The following VWC2 variants were observed in gnomAD, a reference collection of about 807,000 sequenced individuals.
VWC2 encodes von Willebrand factor C domain containing 2.
Under a neutral mutation model 29.8 loss-of-function variants are expected in VWC2, and 14 were observed. The observed-to-expected ratio is 0.47, with a 90% CI of 0.31 to 0.74. The LOEUF (loss-of-function observed/expected upper bound fraction) is 0.74. VWC2 is among the 30% of genes least tolerant of loss of function. The pLI is 0.05. For synonymous variants in VWC2, 213 were observed against 199.0 expected (o/e 1.07, Z -0.59); for missense variants, 457 against 459.8 (o/e 0.99, Z 0.05).
intron 3 of VWC2, among the ~76,000 whole-genome samples, chr7:49,841,846 A>G (rs936401915): frequency 2.0e-5 from 3 of 152,102 alleles, no homozygotes; most frequent in Non-Finnish European, 4.4e-5. Context: ...AATAACTCCT[A>G]GGAGGAGAAT....
At chr7:49,886,916 T>A (rs1257819508) in intron 3 of VWC2, among the ~76,000 whole-genome samples, 1 of 152,228 alleles carries the variant, frequency 6.6e-6, no homozygotes, top group Non-Finnish European at 1.5e-5. Flanking sequence ...ATTTCTACTT[T>A]ATGGGTCCTT....
At chr7:49,870,978 G>A (rs1791125012) in intron 3 of VWC2, among the ~76,000 whole-genome samples, 1 of 152,150 alleles carries the variant, frequency 6.6e-6, no homozygotes, top group Non-Finnish European at 1.5e-5. Context: ...TGCACAATGA[G>A]TTGATAATCA....
intron 3 of VWC2, among the ~76,000 whole-genome samples, chr7:49,862,699 T>C (rs1318697882): frequency 2.0e-4 from 31 of 152,074 alleles, no homozygotes; most frequent in Admixed American, 2.0e-3. Context: ...TTAAATGCTT[T>C]ATCTGCATCA....
chr7:49,802,593 G>A (rs1217992326), intron 2 of VWC2, 118 bp from the exon 3 acceptor site: 41 of 1,365,678 alleles, frequency 3.0e-5, no homozygotes, highest in South Asian at 4.0e-5. Flanking sequence ...AGCCGAGATC[G>A]CACCACTGCA....
intron 3 of VWC2, among the ~76,000 whole-genome samples, chr7:49,908,275 A>G (rs1793214019): frequency 6.6e-6 from 1 of 152,218 alleles, no homozygotes; most frequent in South Asian, 2.1e-4. Context: ...TCCAACGCCT[A>G]CATTTCATCA....
chr7:49,821,976 C>T (rs1158560958), intron 3 of VWC2, among the ~76,000 whole-genome samples: 1 of 151,952 alleles, frequency 6.6e-6, no homozygotes, highest in Non-Finnish European at 1.5e-5. Flanking sequence ...TCTTATAAAC[C>T]CATCTTTTTA....
intron 3 of VWC2, among the ~76,000 whole-genome samples, chr7:49,896,356 T>C (rs1456702442): frequency 1.3e-5 from 2 of 151,972 alleles, no homozygotes; most frequent in African/African-American, 4.8e-5. Context: ...AAGGAAAGTA[T>C]AACACATCAC....
intron 2 of VWC2, among the ~76,000 whole-genome samples, chr7:49,788,521 G>T (rs534366972): frequency 1.3e-5 from 2 of 151,782 alleles, no homozygotes; most frequent in South Asian, 4.2e-4. Flanking sequence ...GTGTGAGTGT[G>T]GGTGTGAGAC....
chr7:49,863,916 T>C (rs117173089), intron 3 of VWC2, among the ~76,000 whole-genome samples: 2 of 152,194 alleles, frequency 1.3e-5, no homozygotes, highest in Non-Finnish European at 2.9e-5. Context: ...CCTTTTAGCA[T>C]AGTTTTTTCT....
At position 49,915,993 on chromosome 7, in the gene VWC2, G is replaced by C. The variant is rs779725196; in HGVS notation, c.*3808G>C. ...ACTATTCTGAAGAATCAGATTAAGAGAGAACAATTTACTTATTCAGGAATA... is the reference window on the plus strand; with the variant it reads ...ACTATTCTGAAGAATCAGATTAAGACAGAACAATTTACTTATTCAGGAATA... On this transcript the variant is annotated 3_prime_UTR_variant, in exon 4 of 4. Coordinates refer to ENST00000340652, the MANE Select transcript of VWC2 (RefSeq NM_198570.5). The C allele has an allele frequency of 3.9e-5, 6 of 152,120 alleles. No individual in the cohort carries two copies. Among genetic ancestry groups the C allele is most frequent in the Non-Finnish European group, 8.8e-5 (6 of 68,012 alleles). The allele number at this position is 152,120 out of a possible 1,614,324, so 9.4% of individuals were successfully genotyped here.
chr7:49,871,749 T>C (rs926566172), intron 3 of VWC2, among the ~76,000 whole-genome samples: 3 of 150,936 alleles, frequency 2.0e-5, no homozygotes, highest in Non-Finnish European at 4.4e-5. Context: ...AAATAAATGG[T>C]TTGTTTTAAA....
At chr7:49,896,340 CA>C (rs1320016420) in intron 3 of VWC2, among the ~76,000 whole-genome samples, 6 of 151,704 alleles carry the variant, frequency 4.0e-5, no homozygotes, top group Admixed American at 3.9e-4. Context: ...GACTCTACTT[CA>C]AAAAAAGGAA....
intron 3 of VWC2, among the ~76,000 whole-genome samples, chr7:49,815,546 C>T (rs1335484670): frequency 6.6e-6 from 1 of 152,072 alleles, no homozygotes; most frequent in African/African-American, 2.4e-5. Context: ...GCACATAAAC[C>T]TTACAATATT....
intron 3 of VWC2, among the ~76,000 whole-genome samples, chr7:49,895,366 A>G (rs979558852): frequency 6.6e-6 from 1 of 152,216 alleles, no homozygotes; most frequent in African/African-American, 2.4e-5. Context: ...TACGAATTCC[A>G]GGGGGACACC....
intron 3 of VWC2, among the ~76,000 whole-genome samples, chr7:49,900,326 A>C (rs1191749792): frequency 6.6e-6 from 1 of 151,770 alleles, no homozygotes; most frequent in Non-Finnish European, 1.5e-5. Context: ...TGGAGCAGTA[A>C]TCTATTAATT....
chr7:49,893,000 G>A (rs990793954), intron 3 of VWC2, among the ~76,000 whole-genome samples: 1 of 152,098 alleles, frequency 6.6e-6, no homozygotes, highest in African/African-American at 2.4e-5. Context: ...ATTTGACAGC[G>A]GGGACACTTT....
In VWC2 at chr7:49,916,839, C is replaced by G. The variant is rs145947746; in HGVS notation, c.*4654C>G. The stretch of plus-strand genomic sequence containing the variant: ...TAAGTCACAGAACCCAGAGACACAT[C>G]AAATACCCCAAATACCCCATGGTAG... On this transcript the variant is annotated 3_prime_UTR_variant, in exon 4 of 4. Transcript: ENST00000340652. 2.0e-5 allele frequency: 3 copies of G among 152,286 alleles called. No homozygotes were observed. In the East Asian group the frequency reaches 5.8e-4, roughly 29 times the overall value. 9.4% of individuals were successfully genotyped at this position (152,286 alleles called of 1,614,324 possible).
intron 3 of VWC2, among the ~76,000 whole-genome samples, chr7:49,841,765 C>T (rs886598958): frequency 6.6e-6 from 1 of 152,142 alleles, no homozygotes; most frequent in African/African-American, 2.4e-5. Context: ...TTTTTGCAGA[C>T]ATTTTTCATG....
At chr7:49,778,780 T>C (rs1183786291) in intron 2 of VWC2, among the ~76,000 whole-genome samples, 1 of 152,238 alleles carries the variant, frequency 6.6e-6, no homozygotes, top group Non-Finnish European at 1.5e-5. Flanking sequence ...CTGGGTATTC[T>C]GGGTTTCAGA....
Sources: allele counts gnomAD v4.1 joint callset (sites outside exome capture counted in the v4.1 genomes callset), GRCh38; gene constraint gnomAD v4.1.1; transcripts MANE v1.5; gene names NCBI Gene and HGNC (gene_info 2026-07-23, HGNC 2026-07-21).